Variants in EXOC6 observed in about 807,000 individuals in gnomAD.
The protein encoded by EXOC6 is SEC15-like 1.
Under a neutral mutation model 112.5 loss-of-function variants are expected in EXOC6, and 60 were observed. That is an observed-to-expected ratio of 0.53 (90% CI 0.43 to 0.66). The LOEUF is 0.66. EXOC6 is among the 30% of genes least tolerant of loss of function. EXOC6 has a pLI of 0.00. For missense variants in EXOC6, 855 were observed against 957.1 expected (o/e 0.89, Z 1.41); for synonymous variants, 295 against 308.0 (o/e 0.96, Z 0.44).
At chr10:92,977,533 T>C (rs1271869230) in intron 18 of EXOC6, among the ~76,000 whole-genome samples, 1 of 152,194 alleles carries the variant, frequency 6.6e-6, no homozygotes, top group Non-Finnish European at 1.5e-5. Flanking sequence ...ATTTAATTTT[T>C]ATATCAATGA....
chr10:92,985,201 G>A (rs1842957345), intron 18 of EXOC6, among the ~76,000 whole-genome samples: 7 of 152,034 alleles, frequency 4.6e-5, no homozygotes, highest in Admixed American at 3.9e-4. Flanking sequence ...GTGCTCTCTG[G>A]CCCTCTGGGT....
At chr10:93,042,014 T>C (rs1375176961) in intron 20 of EXOC6, among the ~76,000 whole-genome samples, 1 of 152,216 alleles carries the variant, frequency 6.6e-6, no homozygotes, top group African/African-American at 2.4e-5. Flanking sequence ...CCCGGCCAGC[T>C]TCCTTGTTTA....
At chr10:92,996,755 T>C (rs1331294819) in intron 18 of EXOC6, among the ~76,000 whole-genome samples, 2 of 152,184 alleles carry the variant, frequency 1.3e-5, no homozygotes, top group Non-Finnish European at 2.9e-5. Context: ...GAGATTATTA[T>C]AGTAGGAAAT....
At chr10:92,929,371 A>G (rs1197558651) in intron 9 of EXOC6, among the ~76,000 whole-genome samples, 1 of 152,226 alleles carries the variant, frequency 6.6e-6, no homozygotes, top group Admixed American at 6.5e-5. Context: ...CAAGCTCAAC[A>G]TTTCAAGTAT....
At chr10:92,895,216 T>C (rs1005016302) in intron 4 of EXOC6, among the ~76,000 whole-genome samples, 196 bp downstream of exon 4, 6 of 152,228 alleles carry the variant, frequency 3.9e-5, no homozygotes, top group African/African-American at 1.2e-4. Flanking sequence ...TCTTGTTTGA[T>C]TATATGTCAC....
chr10:93,022,677 T>C (rs1383956552), intron 20 of EXOC6, among the ~76,000 whole-genome samples: 2 of 152,198 alleles, frequency 1.3e-5, no homozygotes, highest in East Asian at 3.8e-4. Flanking sequence ...TATATTTGTT[T>C]TTAAAATTAG....
intron 19 of EXOC6, among the ~76,000 whole-genome samples, chr10:93,000,061 A>T (rs922305174): frequency 6.6e-6 from 1 of 152,140 alleles, no homozygotes; most frequent in Admixed American, 6.6e-5. Flanking sequence ...TATGTGAAAA[A>T]ACATAATTAA....
chr10:92,922,110 T>C (rs1399273080), intron 8 of EXOC6, among the ~76,000 whole-genome samples: 1 of 151,948 alleles, frequency 6.6e-6, no homozygotes, highest in Non-Finnish European at 1.5e-5. Flanking sequence ...CACGCCTGAC[T>C]AATTTTTGTA....
At chr10:92,845,948 A>G (rs1847038983), upstream of EXOC6, among the ~76,000 whole-genome samples, 1 of 152,232 alleles carries the variant, frequency 6.6e-6, no homozygotes, top group Non-Finnish European at 1.5e-5. Context: ...CGAAAAAACC[A>G]ACCAAACAAA....
chr10:92,960,651 A>G (rs866974571), intron 17 of EXOC6, among the ~76,000 whole-genome samples: 2 of 150,526 alleles, frequency 1.3e-5, no homozygotes, highest in Non-Finnish European at 2.9e-5. Context: ...ATAAAGCATT[A>G]CTAGCACCGT....
At chr10:92,853,872 A>G (rs1847468060) in intron 1 of EXOC6, among the ~76,000 whole-genome samples, 1 of 152,166 alleles carries the variant, frequency 6.6e-6, no homozygotes, top group South Asian at 2.1e-4. Context: ...CATAAGAGAA[A>G]AAAATTGATA....
intron 17 of EXOC6, among the ~76,000 whole-genome samples, chr10:92,962,841 A>G (rs1255885713): frequency 2.0e-5 from 3 of 152,208 alleles, no homozygotes; most frequent in African/African-American, 7.2e-5. Flanking sequence ...TCCTGTAGAC[A>G]TGTTTGATTT....
chr10:92,955,465 C>A, intron 16 of EXOC6, 115 bp from the exon 17 acceptor site: 1 of 814,588 alleles, frequency 1.2e-6, no homozygotes, highest in Non-Finnish European at 2.0e-6. Flanking sequence ...TCCTATAATG[C>A]TGCAATTATG....
intron 20 of EXOC6, among the ~76,000 whole-genome samples, chr10:93,043,589 A>G (rs1404224680): frequency 6.6e-6 from 1 of 152,202 alleles, no homozygotes; most frequent in African/African-American, 2.4e-5. Context: ...TGATTATGCA[A>G]AGTGTCAATG....
intron 1 of EXOC6, among the ~76,000 whole-genome samples, chr10:92,841,171 G>T (rs1846836631): frequency 6.6e-6 from 1 of 152,094 alleles, no homozygotes; most frequent in Non-Finnish European, 1.5e-5. Context: ...CTCCCGTCCA[G>T]CTGAAACTTT....
At chr10:92,974,792 T>G (rs1269186960) in intron 18 of EXOC6, among the ~76,000 whole-genome samples, 1 of 152,176 alleles carries the variant, frequency 6.6e-6, no homozygotes, top group Non-Finnish European at 1.5e-5. Context: ...GGTCTCCAGC[T>G]CCTAACCGCG....
chr10:92,846,121 C>T (rs1300861433), upstream of EXOC6, among the ~76,000 whole-genome samples: 1 of 152,176 alleles, frequency 6.6e-6, no homozygotes, highest in Admixed American at 6.5e-5. Context: ...ACTTGAATTT[C>T]GGGGAAGATA....
At position 92,909,514 on chromosome 10, in the gene EXOC6, A is replaced by G. The variant is rs767907134; in HGVS notation, c.546A>G (p.Ile182Met). The G allele has an allele frequency of 3.7e-6, 6 of 1,613,532 alleles. No individual in the cohort carries two copies. The Admixed American group carries it at 1.0e-4, about 27-fold the overall frequency. ...VSQYRFCQLM[I>M]ENLPKLREDI... ...AATACCGGTTTTGTCAGCTCATGAT[A>G]GAAAATCTTCCCAAACTCCGTGAGG... Residue 182 changes from isoleucine to methionine, a missense_variant, in exon 6 of 22, where the codon ATA (isoleucine) becomes ATG (methionine). By Grantham distance (10) the Ile-to-Met change is conservative. Coordinates refer to ENST00000260762, the MANE Select transcript of EXOC6 (RefSeq NM_019053.6).
At chr10:93,037,279 A>G (rs1845556316) in intron 20 of EXOC6, among the ~76,000 whole-genome samples, 1 of 151,662 alleles carries the variant, frequency 6.6e-6, no homozygotes, top group African/African-American at 2.4e-5. Flanking sequence ...AGCTGGGACT[A>G]CAGGTGCATG....
Sources: allele counts gnomAD v4.1 joint callset (sites outside exome capture counted in the v4.1 genomes callset), GRCh38; gene constraint gnomAD v4.1.1; transcripts MANE v1.5; gene names NCBI Gene and HGNC (gene_info 2026-07-23, HGNC 2026-07-21).